The following SRC variants were observed in gnomAD, a reference collection of about 807,000 sequenced individuals.
SRC encodes proto-oncogene tyrosine-protein kinase Src.
A neutral mutation model predicts 62.9 loss-of-function variants in SRC; 13 were observed. That is an observed-to-expected ratio of 0.21 (90% confidence interval 0.13 to 0.33). SRC has a LOEUF of 0.33. SRC is among the 10% of genes least tolerant of loss of function. SRC has a pLI of 1.00. For missense variants in SRC, 457 were observed against 737.3 expected (o/e 0.62, Z 4.40); for synonymous variants, 302 against 317.5 (o/e 0.95, Z 0.52).
intron 7 of SRC, among the ~76,000 whole-genome samples, chr20:37,394,522 A>G (rs2070607769): frequency 6.6e-6 from 1 of 152,092 alleles, no homozygotes; most frequent in South Asian, 2.1e-4. Context: ...ATAAAAGATG[A>G]ACATAGGTTG....
intron 2 of SRC, among the ~76,000 whole-genome samples, chr20:37,375,358 C>A (rs554933751): frequency 6.6e-6 from 1 of 151,988 alleles, no homozygotes; most frequent in Non-Finnish European, 1.5e-5. Flanking sequence ...CAGCCTCCTG[C>A]GTAGCTGGGT....
intron 4 of SRC, among the ~76,000 whole-genome samples, chr20:37,385,723 T>C (rs1600999140): frequency 6.6e-6 from 1 of 152,200 alleles, no homozygotes; most frequent in East Asian, 1.9e-4. Context: ...GAGCACCTAC[T>C]ATGTGCCTGG....
chr20:37,372,141 G>GC (rs2070175857), intron 2 of SRC, among the ~76,000 whole-genome samples: 1 of 152,114 alleles, frequency 6.6e-6, no homozygotes, highest in African/African-American at 2.4e-5. Flanking sequence ...GGGACTACCG[G>GC]CAGGTGCCAC....
chr20:37,350,951 G>C (rs964868247), intron 1 of SRC, among the ~76,000 whole-genome samples: 2 of 152,196 alleles, frequency 1.3e-5, no homozygotes, highest in Non-Finnish European at 2.9e-5. Flanking sequence ...AGATCGGGGG[G>C]ATTGAGGCTA....
chr20:37,398,658 G>A lies in SRC; in HGVS notation c.859+804G>A, dbSNP rs185668628. Among the ~76,000 whole-genome samples, 125 of 152,366 alleles carry A rather than the reference G, an allele frequency of 8.2e-4. 1 individual carries two copies. Among genetic ancestry groups the A allele is most frequent in the East Asian group, 5.8e-4 (3 of 5,188 alleles). ...GTCAGGCTGTCCGGGAAGGGGAGGC[G>A]TGGGCTTTGAGCTGGTGAGAGGGGA... On this transcript the variant is annotated intron_variant, in intron 9 of 13. Transcript: ENST00000373578. The surrounding 1 kb of genome is among the most constrained non-coding windows in gnomAD (Gnocchi z 5.2).
chr20:37,379,318 G>A (rs1568631820), intron 2 of SRC, among the ~76,000 whole-genome samples: 2 of 152,098 alleles, frequency 1.3e-5, no homozygotes, highest in African/African-American at 2.4e-5. Context: ...TGCAAGTGGC[G>A]GAAGAGATGA....
intron 2 of SRC, among the ~76,000 whole-genome samples, chr20:37,373,150 A>ATG (rs1491428136): frequency 7.5e-6 from 1 of 133,846 alleles, no homozygotes; most frequent in Non-Finnish European, 1.5e-5. Context: ...ATGTACATAT[A>ATG]CACACATACA....
intron 1 of SRC, among the ~76,000 whole-genome samples, chr20:37,364,178 G>A (rs1481319402): frequency 6.6e-6 from 1 of 152,112 alleles, no homozygotes. Context: ...GCCCTGCCGG[G>A]GCCTCCTTTG....
Position 37,402,834 on chromosome 20 carries a change from G to C in SRC, c.1356G>C (p.Gly452=), listed in dbSNP as rs146541799. 2 of 1,613,974 alleles carry C rather than the reference G, an allele frequency of 1.2e-6. No homozygotes were observed. Among genetic ancestry groups the C allele is most frequent in the African/African-American group, 2.7e-5 (2 of 74,892 alleles). The change falls in exon 13 of 14, where the codon GGG becomes GGC. Residue 452 remains glycine (G), a synonymous_variant. Coordinates refer to ENST00000373578, the MANE Select transcript of SRC (RefSeq NM_198291.3). The surrounding 1 kb of genome is among the most constrained non-coding windows in gnomAD (Gnocchi z 6.2). ...TCAAGTCGGACGTGTGGTCCTTCGG[G>C]ATCCTGCTGACTGAGCTCACCACAA... ...FTIKSDVWSF[G]ILLTELTTKG...
At chr20:37,388,852 G>C (rs73299322) in intron 5 of SRC, among the ~76,000 whole-genome samples, 1 of 152,030 alleles carries the variant, frequency 6.6e-6, no homozygotes, top group Non-Finnish European at 1.5e-5. Flanking sequence ...ATGGGCCACC[G>C]GAATTTAAGG....
chr20:37,404,955 G>A lies in SRC; in HGVS notation c.*1576G>A, dbSNP rs771279838. 12 of 227,514 alleles carry A rather than the reference G, an allele frequency of 5.3e-5. No individual in the cohort carries two copies. The highest frequency in any genetic ancestry group is 1.2e-4 in the Admixed American group (2 of 17,004). The allele number at this position is 227,514 out of a possible 1,614,324, so 14.1% of individuals were successfully genotyped here. A position where few individuals can be genotyped will look rare whatever the true frequency, so the allele number is the denominator to read the frequency against. On this transcript the variant is annotated 3_prime_UTR_variant, in exon 14 of 14. Coordinates refer to ENST00000373578, the MANE Select transcript of SRC (RefSeq NM_198291.3). ...CATGTAAAAATGTCCCCCCCGCTCC[G>A]TCCCCCAAACATGTTGTACATTTCA...
chr20:37,373,143 T>TAC (rs1244970882), intron 2 of SRC, among the ~76,000 whole-genome samples: 27 of 133,552 alleles, frequency 2.0e-4, no homozygotes, highest in African/African-American at 8.3e-4. Context: ...TACACATATG[T>TAC]ACATATACAC....
intron 1 of SRC, among the ~76,000 whole-genome samples, chr20:37,356,054 G>A (rs1285478947): frequency 6.6e-6 from 1 of 152,210 alleles, no homozygotes; most frequent in Non-Finnish European, 1.5e-5. Context: ...CCAAGTAAAG[G>A]CAGCCCACAG....
At position 37,388,737 on chromosome 20, in the gene SRC, ACT is replaced by A. The variant is rs897168968; in HGVS notation, c.350+2566_350+2567del. 4.0e-5 allele frequency among the ~76,000 whole-genome samples: 6 copies of A among 150,448 alleles called. No homozygotes were observed. In the South Asian group the frequency reaches 1.3e-3, roughly 32 times the overall value. ...ACTCCAGCCTGGGTGACAGAGCAAG[ACT>A]CTGTCTCAAAAAAAAGAAGTGAAGG... On this transcript the variant is annotated intron_variant, in intron 5 of 13. Coordinates refer to ENST00000373578, the MANE Select transcript of SRC (RefSeq NM_198291.3).
chr20:37,400,037 C>T (rs2070714937), intron 9 of SRC, 78 bp from the exon 10 acceptor site: 4 of 1,432,644 alleles, frequency 2.8e-6, no homozygotes, highest in Non-Finnish European at 3.7e-6. Context: ...CACTGGCGCC[C>T]AGGTGGGCAG....
chr20:37,383,902 T>G (rs2147047634), intron 3 of SRC, among the ~76,000 whole-genome samples: 1 of 151,366 alleles, frequency 6.6e-6, no homozygotes, highest in South Asian at 2.1e-4. Flanking sequence ...CGGCTAATTT[T>G]TTTTTTTTTT....
At chr20:37,373,435 A>ACGCATATG (rs2070227532) in intron 2 of SRC, among the ~76,000 whole-genome samples, 1 of 96,724 alleles carries the variant, frequency 1.0e-5, no homozygotes, top group African/African-American at 7.4e-5. Context: ...GCGTGTATAT[A>ACGCATATG]CGCATATATA....
intron 1 of SRC, among the ~76,000 whole-genome samples, chr20:37,349,957 C>A (rs558927467): frequency 6.6e-6 from 1 of 152,252 alleles, no homozygotes; most frequent in Non-Finnish European, 1.5e-5. Flanking sequence ...TGCCTAGGGT[C>A]TCCCAGTTGC....
Position 37,384,030 on chromosome 20 carries a change from C to T in SRC, c.-4-120C>T. ...GGATTACAGGCGTGAGCCACCGCGCCCGGCCCTGCTGCCTCTCCTTGGGCC... is the reference window on the plus strand; with the variant it reads ...GGATTACAGGCGTGAGCCACCGCGCTCGGCCCTGCTGCCTCTCCTTGGGCC... On this transcript the variant is annotated intron_variant, in intron 3 of 13. Coordinates refer to ENST00000373578, the MANE Select transcript of SRC (RefSeq NM_198291.3). This position sits in a 1 kb window ranked among gnomAD's most constrained non-coding sequence, Gnocchi z 6.7. 1 of 1,397,058 alleles carries T rather than the reference C, an allele frequency of 7.2e-7. No individual in the cohort carries two copies. The highest frequency in any genetic ancestry group is 9.6e-7 in the Non-Finnish European group (1 of 1,044,160). 86.5% of individuals were successfully genotyped at this position (1,397,058 alleles called of 1,614,324 possible).
Sources: allele counts gnomAD v4.1 joint callset (sites outside exome capture counted in the v4.1 genomes callset), GRCh38; gene constraint gnomAD v4.1.1; non-coding constraint Gnocchi (gnomAD v3.1); transcripts MANE v1.5; gene names NCBI Gene and HGNC (gene_info 2026-07-23, HGNC 2026-07-21).